The following PEAK1 variants were observed in gnomAD, a reference collection of about 807,000 sequenced individuals.
The protein encoded by PEAK1 is inactive tyrosine-protein kinase PEAK1.
Under a neutral mutation model 124.7 loss-of-function variants are expected in PEAK1, and 54 were observed. That is an observed-to-expected ratio of 0.43 (90% CI 0.35 to 0.54). The LOEUF is 0.54. Among genes scored for constraint, PEAK1 ranks in the 20% least tolerant of loss-of-function variants. PEAK1 has a pLI of 0.01. For synonymous variants in PEAK1, 719 were observed against 760.0 expected (o/e 0.95, Z 0.89); for missense variants, 2,046 against 2,134.5 (o/e 0.96, Z 0.82).
At chr15:77,152,163 T>C (rs2054694426) in intron 8 of PEAK1, among the ~76,000 whole-genome samples, 1 of 152,194 alleles carries the variant, frequency 6.6e-6, no homozygotes, top group South Asian at 2.1e-4. Context: ...TTTTATTTCA[T>C]TGAGCAGTGG....
intron 1 of PEAK1, chr15:77,402,613 A>C (rs2071467797): frequency 2.0e-6 from 2 of 984,190 alleles, no homozygotes; most frequent in Admixed American, 6.2e-5. Flanking sequence ...ATGAAGGTAC[A>C]AAGTGGGGGC....
intron 2 of PEAK1, chr15:77,332,398 G>C: frequency 3.0e-6 from 1 of 334,480 alleles, no homozygotes; most frequent in Non-Finnish European, 4.2e-6. Flanking sequence ...AGGAGATTGA[G>C]ATCATCCTGG....
rs150712579 is a variant in PEAK1, at chr15:77,284,297, C to G, written c.-422-267G>C. Among the ~76,000 whole-genome samples, 1,113 of 152,326 alleles carry G rather than the reference C, an allele frequency of 7.3e-3. 15 individuals carry two copies. The highest frequency in any genetic ancestry group is 0.025 in the African/African-American group (1,057 of 41,558). ...AATGAAGTGATCTCTAAAGACTTAT[C>G]TCGCAACCAAAAATTCTTAGCTATT... On this transcript the variant is annotated intron_variant, in intron 4 of 9. Transcript: ENST00000682557.
intron 2 of PEAK1, among the ~76,000 whole-genome samples, chr15:77,316,711 C>T (rs1015520202): frequency 1.3e-5 from 2 of 152,134 alleles, no homozygotes; most frequent in African/African-American, 4.8e-5. Context: ...ACTACATGTA[C>T]ACAGTGAAGT....
chr15:77,307,364 C>T (rs1354527410), intron 2 of PEAK1, among the ~76,000 whole-genome samples: 1 of 152,060 alleles, frequency 6.6e-6, no homozygotes, highest in Admixed American at 6.5e-5. Context: ...TCACAAAGAA[C>T]ATAGAGTCCT....
At chr15:77,366,413 T>C (rs1262729607) in intron 1 of PEAK1, among the ~76,000 whole-genome samples, 2 of 152,196 alleles carry the variant, frequency 1.3e-5, no homozygotes. Flanking sequence ...TTTTTAGGAC[T>C]GTTTGTTACT....
intron 5 of PEAK1, chr15:77,255,247 A>G (rs1252998314): frequency 5.3e-6 from 3 of 566,788 alleles, no homozygotes; most frequent in Admixed American, 1.3e-4. Context: ...TTTTAAACCT[A>G]TTAATTATTT....
At chr15:77,218,892 G>A (rs1399298056) in intron 6 of PEAK1, among the ~76,000 whole-genome samples, 1 of 152,096 alleles carries the variant, frequency 6.6e-6, no homozygotes, top group East Asian at 1.9e-4. Flanking sequence ...TGAGTGTGGG[G>A]GTGGTGTGGA....
chr15:77,399,174 T>A (rs2071145641), intron 1 of PEAK1, among the ~76,000 whole-genome samples: 1 of 152,074 alleles, frequency 6.6e-6, no homozygotes, highest in Non-Finnish European at 1.5e-5. Flanking sequence ...TGTTAAAATG[T>A]CCACACAACC....
At chr15:77,367,115 C>T (rs1039046852) in intron 1 of PEAK1, among the ~76,000 whole-genome samples, 6 of 152,070 alleles carry the variant, frequency 3.9e-5, no homozygotes, top group African/African-American at 7.2e-5. Context: ...GCCTGGCGAC[C>T]GGGCGAGACT....
intron 8 of PEAK1, among the ~76,000 whole-genome samples, chr15:77,140,002 A>C (rs999033881): frequency 3.3e-5 from 5 of 152,114 alleles, no homozygotes; most frequent in Admixed American, 6.5e-5. Context: ...CAACAATAAC[A>C]ACTTCTTGAA....
rs1234441244 is a variant in PEAK1 at position 77,111,384 on chromosome 15, A to C, written c.*2772T>G. On this transcript the variant is annotated 3_prime_UTR_variant, in exon 10 of 10. Coordinates refer to ENST00000682557, the MANE Select transcript of PEAK1 (RefSeq NM_001385026.1). ...ATTTTTTTGGAAAAATATTCTGAAG[A>C]CCAACTCATGTAGTACTTTTTGCCT... The C allele has an allele frequency of 6.6e-6, 1 of 152,234 alleles. No homozygotes were observed. Among genetic ancestry groups the C allele is most frequent in the Non-Finnish European group, 1.5e-5 (1 of 68,046 alleles). 9.4% of individuals were successfully genotyped at this position (152,234 alleles called of 1,614,324 possible). A position where few individuals can be genotyped will look rare whatever the true frequency, so the allele number is the denominator to read the frequency against.
At chr15:77,389,459 C>T (rs1412468731) in intron 1 of PEAK1, among the ~76,000 whole-genome samples, 3 of 152,058 alleles carry the variant, frequency 2.0e-5, no homozygotes, top group African/African-American at 7.2e-5. Context: ...GGAGATAATA[C>T]CATCTCTCAT....
intron 6 of PEAK1, among the ~76,000 whole-genome samples, chr15:77,194,734 T>C (rs1596551594): frequency 6.6e-6 from 1 of 152,280 alleles, no homozygotes. Flanking sequence ...TCTGGTTTCA[T>C]AGACCAAAAT....
intron 2 of PEAK1, among the ~76,000 whole-genome samples, chr15:77,322,082 G>C (rs1015224012): frequency 2.0e-5 from 3 of 152,112 alleles, no homozygotes; most frequent in African/African-American, 7.2e-5. Flanking sequence ...TGAAACCAAC[G>C]AGAACAAAGA....
At chr15:77,135,438 G>A (rs1397750971) in intron 8 of PEAK1, among the ~76,000 whole-genome samples, 1 of 152,166 alleles carries the variant, frequency 6.6e-6, no homozygotes, top group Non-Finnish European at 1.5e-5. Context: ...GTACTTACAC[G>A]AACCTAGATG....
chr15:77,308,828 A>G (rs1376606311), intron 2 of PEAK1, among the ~76,000 whole-genome samples: 1 of 152,132 alleles, frequency 6.6e-6, no homozygotes, highest in African/African-American at 2.4e-5. Flanking sequence ...GAGGGAGAAG[A>G]AAAAACAAGC....
chr15:77,168,227 A>C (rs1212198987), intron 7 of PEAK1, among the ~76,000 whole-genome samples: 1 of 105,438 alleles, frequency 9.5e-6, no homozygotes, highest in African/African-American at 3.7e-5. Context: ...GCACATATGC[A>C]TGTGCGCGCG....
Position 77,133,722 on chromosome 15 carries a change from G to A in PEAK1, c.3360C>T (p.Pro1120=). ...CTCCCTTGGGCTGTCGTGGCTGCTT[G>A]GGAGGTATCATGGCTGCTCTAGATT... The part of the protein sequence containing the change: ...LGQSRAAMIP[P]KQPRQPKGAV... The change falls in exon 9 of 10, where the codon CCC becomes CCT. Residue 1120 remains proline (P), a synonymous_variant. Transcript: ENST00000682557. This position sits in a 1 kb window ranked among gnomAD's most constrained non-coding sequence, Gnocchi z 4.2. 6.2e-7 allele frequency: 1 copy of A among 1,610,132 alleles called. No homozygotes were observed. Among genetic ancestry groups the A allele is most frequent in the Non-Finnish European group, 8.5e-7 (1 of 1,178,304 alleles).
Sources: allele counts gnomAD v4.1 joint callset (sites outside exome capture counted in the v4.1 genomes callset), GRCh38; gene constraint gnomAD v4.1.1; non-coding constraint Gnocchi (gnomAD v3.1); transcripts MANE v1.5; gene names NCBI Gene and HGNC (gene_info 2026-07-23, HGNC 2026-07-21).